ECPAS: variants seen among roughly 807,000 people sequenced by gnomAD.
ECPAS encodes the protein Ecm29 proteasome adaptor and scaffold, also known as proteasome adapter and scaffold protein ECM29.
Under a neutral mutation model 255.1 loss-of-function variants are expected in ECPAS, and 70 were observed. That is an observed-to-expected ratio of 0.27 (90% CI 0.23 to 0.33). ECPAS has a LOEUF of 0.33. Among genes scored for constraint, ECPAS ranks in the 10% least tolerant of loss-of-function variants. ECPAS has a pLI of 1.00. For missense variants in ECPAS, 1,817 were observed against 2,206.4 expected (o/e 0.82, Z 3.54); for synonymous variants, 784 against 775.0 (o/e 1.01, Z -0.19).
At chr9:111,418,593 G>T (rs758288420) in intron 16 of ECPAS, among the ~76,000 whole-genome samples, 1 of 152,124 alleles carries the variant, frequency 6.6e-6, no homozygotes, top group African/African-American at 2.4e-5. Context: ...ATAAAGGGCC[G>T]AAAAGAAAGA....
intron 28 of ECPAS, 131 bp from the exon 29 acceptor site, chr9:111,391,955 T>C: frequency 1.4e-6 from 1 of 692,546 alleles, no homozygotes. Flanking sequence ...TAAAAGTCCT[T>C]TCCGGCCGGG....
intron 2 of ECPAS, among the ~76,000 whole-genome samples, chr9:111,458,153 C>T (rs1421617823): frequency 5.9e-5 from 9 of 152,068 alleles, no homozygotes; most frequent in South Asian, 2.1e-4. Flanking sequence ...TGATTCTCTC[C>T]GAGAGTCTAA....
intron 3 of ECPAS, among the ~76,000 whole-genome samples, chr9:111,445,960 G>C (rs751186470): frequency 8.5e-5 from 13 of 152,146 alleles, no homozygotes; most frequent in Admixed American, 2.0e-4. Context: ...AGTTTGCTTA[G>C]AATGATGGTT....
chr9:111,376,738 C>T (rs931831940), intron 36 of ECPAS, among the ~76,000 whole-genome samples, 197 bp from the exon 37 acceptor site: 2 of 152,160 alleles, frequency 1.3e-5, no homozygotes, highest in African/African-American at 4.8e-5. Flanking sequence ...GGAACCAGCA[C>T]CACACTACAG....
intron 18 of ECPAS, among the ~76,000 whole-genome samples, chr9:111,415,688 G>C (rs1041181473): frequency 2.8e-4 from 42 of 149,034 alleles, no homozygotes; most frequent in African/African-American, 9.8e-4. Context: ...GGGCAACAGA[G>C]TGAGACTCCT....
chr9:111,425,263 A>G (rs1483571023), intron 12 of ECPAS, among the ~76,000 whole-genome samples, 155 bp downstream of exon 12: 1 of 152,200 alleles, frequency 6.6e-6, no homozygotes. Flanking sequence ...AAAAAAGGGC[A>G]GTAATTTCTG....
At chr9:111,375,541 T>C (rs1184461987) in intron 37 of ECPAS, among the ~76,000 whole-genome samples, 1 of 152,196 alleles carries the variant, frequency 6.6e-6, no homozygotes, top group Non-Finnish European at 1.5e-5. Context: ...AACTAAATAT[T>C]GATCTTCTAC....
In ECPAS at chr9:111,415,228, C is replaced by CGTGTGTGTGT. The variant is rs541242640; in HGVS notation, c.1765-587_1765-578dup. On this transcript the variant is annotated intron_variant, in intron 18 of 49. Coordinates refer to ENST00000684092, the MANE Select transcript of ECPAS (RefSeq NM_001364929.1). ...ATAAAAATCATTATTTTTTAAAAGC[C>CGTGTGTGTGT]GTGTGTGTGTGTGTGTGTGTGTGTG... Among the ~76,000 whole-genome samples the CGTGTGTGTGT allele has an allele frequency of 8.7e-5, 11 of 126,930 alleles. 1 individual carries two copies. The highest frequency in any genetic ancestry group is 4.3e-4 in the East Asian group (2 of 4,668). 83.3% of individuals were successfully genotyped at this position (126,930 alleles called of 152,430 possible).
chr9:111,409,077 G>A (rs1589156628), intron 23 of ECPAS, among the ~76,000 whole-genome samples: 1 of 152,184 alleles, frequency 6.6e-6, no homozygotes, highest in African/African-American at 2.4e-5. Context: ...CTCACATAGA[G>A]ATGACAACTG....
At chr9:111,440,590 AAAAC>A (rs983104888) in intron 5 of ECPAS, 69 bp from the exon 6 acceptor site, 1 of 1,265,572 alleles carries the variant, frequency 7.9e-7, no homozygotes, top group Non-Finnish European at 1.1e-6. Context: ...AAACACAGAC[AAAAC>A]AAAAATCACG....
At chr9:111,398,766 G>A (rs368363063) in intron 24 of ECPAS, among the ~76,000 whole-genome samples, 4 of 151,928 alleles carry the variant, frequency 2.6e-5, no homozygotes, top group East Asian at 3.9e-4. Flanking sequence ...GTGAAACCCC[G>A]TCTCTACTAA....
intron 1 of ECPAS, among the ~76,000 whole-genome samples, chr9:111,476,391 T>C (rs970143177): frequency 1.3e-4 from 20 of 152,180 alleles, no homozygotes; most frequent in Non-Finnish European, 2.4e-4. Context: ...ATGTCTTGCA[T>C]TGAATTTCAT....
At chr9:111,396,459 G>A (rs1183410202) in intron 25 of ECPAS, among the ~76,000 whole-genome samples, 4 of 152,130 alleles carry the variant, frequency 2.6e-5, no homozygotes, top group Admixed American at 6.6e-5. Flanking sequence ...ATAAATCCTC[G>A]TGAAAAGAGC....
chr9:111,447,019 T>C (rs747057231), intron 3 of ECPAS, among the ~76,000 whole-genome samples: 4 of 152,206 alleles, frequency 2.6e-5, no homozygotes, highest in South Asian at 4.1e-4. Context: ...TCTTCTGACA[T>C]TGTAATCTAG....
At chr9:111,395,310 C>T (rs556049513) in intron 25 of ECPAS, among the ~76,000 whole-genome samples, 8 of 152,210 alleles carry the variant, frequency 5.3e-5, no homozygotes, top group African/African-American at 1.4e-4. Flanking sequence ...AAGACCTGGG[C>T]CCTAACTGGC....
intron 46 of ECPAS, 57 bp downstream of exon 46, chr9:111,368,978 C>T (rs895299606): frequency 1.6e-5 from 23 of 1,414,444 alleles, no homozygotes; most frequent in Non-Finnish European, 2.1e-5. Context: ...GAAAATTCTT[C>T]GCTCTCATTA....
rs757975080 is a variant in ECPAS, at chr9:111,463,557, T to C, written c.22+9340A>G. ...CTGTCAATTTTCCATAAAAGTGCAG[T>C]AGGAGTGGCTCAATCAGATTTCAAG... On this transcript the variant is annotated intron_variant, in intron 2 of 49. Coordinates refer to ENST00000684092, the MANE Select transcript of ECPAS (RefSeq NM_001364929.1). Among the ~76,000 whole-genome samples the C allele has an allele frequency of 2.0e-5, 3 of 152,092 alleles. No individual in the cohort carries two copies. The East Asian group carries it at 5.8e-4, about 29-fold the overall frequency.
intron 2 of ECPAS, among the ~76,000 whole-genome samples, chr9:111,468,875 G>C (rs2098282805): frequency 6.6e-6 from 1 of 152,088 alleles, no homozygotes; most frequent in South Asian, 2.1e-4. Flanking sequence ...TAAAACTATG[G>C]AAAAATAAGG....
At chr9:111,384,656 C>A in intron 33 of ECPAS, 87 bp from the exon 34 acceptor site, 1 of 1,174,394 alleles carries the variant, frequency 8.5e-7, no homozygotes, top group Non-Finnish European at 1.3e-6. Flanking sequence ...TGCCTCAGGC[C>A]CTACAGAGAT....
Sources: gnomAD v4.1 joint callset for allele counts (sites outside exome capture counted in the v4.1 genomes callset) on GRCh38, gnomAD v4.1.1 for gene constraint, MANE v1.5 for transcripts, NCBI Gene and HGNC (gene_info 2026-07-23, HGNC 2026-07-21) for gene names.